OSBPL9: variants seen among roughly 807,000 people sequenced by gnomAD.
OSBPL9 encodes the protein oxysterol binding protein like 9.
A neutral mutation model predicts 106.6 loss-of-function variants in OSBPL9; 40 were observed. The observed-to-expected ratio is 0.38, with a 90% confidence interval of 0.29 to 0.49. The LOEUF (loss-of-function observed/expected upper bound fraction) is 0.49, where lower values mean the gene tolerates loss of function less well. Among genes scored for constraint, OSBPL9 ranks in the 20% least tolerant of loss-of-function variants. The pLI is 0.97. For missense variants in OSBPL9, 609 were observed against 887.2 expected (o/e 0.69, Z 3.98); for synonymous variants, 269 against 295.4 (o/e 0.91, Z 0.92).
chr1:51,745,676 T>G, intron 5 of OSBPL9, 45 bp downstream of exon 5: 1 of 1,429,680 alleles, frequency 7.0e-7, no homozygotes, highest in Non-Finnish European at 9.1e-7. Flanking sequence ...ATAGAAAATG[T>G]TACTGAGCTT....
At chr1:51,544,405 T>TC in the OSBPL9 span, among the ~76,000 whole-genome samples, 12,615 of 152,280 alleles carry the variant, frequency 0.083, 606 homozygotes, top group African/African-American at 0.11. Context: ...AGCCTCCATT[T>TC]CCCTTCTTTT....
At chr1:51,530,183 A>C in the OSBPL9 span, among the ~76,000 whole-genome samples, 42 of 107,242 alleles carry the variant, frequency 3.9e-4, 1 homozygote, top group Non-Finnish European at 5.8e-4. Context: ...AAAAAAAAAA[A>C]AAAAAAAAAC....
chr1:51,625,249 T>G (rs1211607934), intron 1 of OSBPL9, among the ~76,000 whole-genome samples: 1 of 152,232 alleles, frequency 6.6e-6, no homozygotes. Context: ...TGTAGAGTTG[T>G]TCTTAAATAT....
At chr1:51,686,246 G>C (rs1481853137) in intron 3 of OSBPL9, among the ~76,000 whole-genome samples, 1 of 152,154 alleles carries the variant, frequency 6.6e-6, no homozygotes, top group Non-Finnish European at 1.5e-5. Flanking sequence ...TTAAAAAGTA[G>C]GTATTTTTAT....
the OSBPL9 span, among the ~76,000 whole-genome samples, chr1:51,562,225 G>A: frequency 1.3e-5 from 2 of 152,186 alleles, no homozygotes; most frequent in Non-Finnish European, 2.9e-5. Context: ...CTCATAAATG[G>A]TTTAGCACGA....
At chr1:51,672,065 A>AT (rs1650006037) in intron 3 of OSBPL9, among the ~76,000 whole-genome samples, 1 of 152,240 alleles carries the variant, frequency 6.6e-6, no homozygotes, top group Non-Finnish European at 1.5e-5. Flanking sequence ...GTCCAACCAT[A>AT]TGAGGCCTTT....
At chr1:51,730,883 TAA>T (rs1316220130) in intron 4 of OSBPL9, among the ~76,000 whole-genome samples, 4 of 152,218 alleles carry the variant, frequency 2.6e-5, no homozygotes, top group Admixed American at 2.6e-4. Context: ...GTTGTAGTTT[TAA>T]AAGTTTTTAC....
intron 3 of OSBPL9, among the ~76,000 whole-genome samples, chr1:51,693,493 A>G: frequency 6.6e-6 from 1 of 152,166 alleles, no homozygotes; most frequent in East Asian, 1.9e-4. Context: ...AACAAATTAG[A>G]GCATTATAGT....
the OSBPL9 span, among the ~76,000 whole-genome samples, chr1:51,557,091 T>C: frequency 4.6e-5 from 7 of 152,002 alleles, no homozygotes; most frequent in African/African-American, 1.7e-4. Flanking sequence ...TATATATACC[T>C]ACTGTGTACC....
intron 2 of OSBPL9, among the ~76,000 whole-genome samples, chr1:51,610,144 T>C (rs1193699074): frequency 6.6e-6 from 1 of 152,232 alleles, no homozygotes; most frequent in African/African-American, 2.4e-5. Context: ...TGAATTAGAA[T>C]GTGTAATTCA....
At chr1:51,632,131 G>A (rs1645144608) in intron 1 of OSBPL9, among the ~76,000 whole-genome samples, 1 of 151,854 alleles carries the variant, frequency 6.6e-6, no homozygotes, top group South Asian at 2.1e-4. Context: ...ATAAATAGAA[G>A]GCATATACTC....
At chr1:51,537,777 G>A in the OSBPL9 span, among the ~76,000 whole-genome samples, 5 of 152,086 alleles carry the variant, frequency 3.3e-5, no homozygotes, top group Admixed American at 6.5e-5. Context: ...CTGGCCTCAA[G>A]TGAACCTCCT....
the OSBPL9 span, among the ~76,000 whole-genome samples, chr1:51,560,713 G>T: frequency 6.6e-6 from 1 of 152,180 alleles, no homozygotes; most frequent in Non-Finnish European, 1.5e-5. Flanking sequence ...AAAGGCTGGC[G>T]TATTGGTCCC....
upstream of OSBPL9, among the ~76,000 whole-genome samples, chr1:51,616,318 G>A (rs898891629): frequency 2.6e-5 from 4 of 152,080 alleles, no homozygotes; most frequent in African/African-American, 9.7e-5. Flanking sequence ...TAGGCTGTTA[G>A]TGATCTATCC....
chr1:51,629,897 C>A (rs1344680763), intron 1 of OSBPL9, among the ~76,000 whole-genome samples: 1 of 151,408 alleles, frequency 6.6e-6, no homozygotes, highest in African/African-American at 2.4e-5. Flanking sequence ...TGCAGTGAGT[C>A]AAGACTGTGC....
the OSBPL9 span, among the ~76,000 whole-genome samples, chr1:51,538,075 G>A: frequency 6.6e-6 from 1 of 152,088 alleles, no homozygotes; most frequent in South Asian, 2.1e-4. Flanking sequence ...CAAATCACTT[G>A]AGGTCAGGAG....
At chr1:51,593,049 G>C (rs1056174551) in intron 1 of OSBPL9, among the ~76,000 whole-genome samples, 1 of 152,130 alleles carries the variant, frequency 6.6e-6, no homozygotes, top group Non-Finnish European at 1.5e-5. Flanking sequence ...ATTGTGCTTT[G>C]TTACAGTGAA....
At chr1:51,670,435 A>G (rs1443629680) in intron 3 of OSBPL9, among the ~76,000 whole-genome samples, 4 of 152,204 alleles carry the variant, frequency 2.6e-5, no homozygotes, top group East Asian at 1.9e-4. Context: ...TTGCTTAAAA[A>G]TGTTTTGGTT....
the OSBPL9 span, among the ~76,000 whole-genome samples, chr1:51,520,259 G>A: frequency 6.6e-6 from 1 of 152,106 alleles, no homozygotes. Flanking sequence ...AAAGGCCTTC[G>A]TTCCTGCCTA....
Sources: allele counts gnomAD v4.1 joint callset (sites outside exome capture counted in the v4.1 genomes callset), GRCh38; gene constraint gnomAD v4.1.1; transcripts MANE v1.5; gene names NCBI Gene and HGNC (gene_info 2026-07-23, HGNC 2026-07-21).